ANO10: variants seen among roughly 807,000 people sequenced by gnomAD.
ANO10 encodes the protein anoctamin-10.
ANO10 carries 77 observed loss-of-function variants against 74.7 expected under a neutral mutation model. The ratio of observed to expected loss-of-function variants is 1.03; its 90% CI spans 0.86 to 1.25. The LOEUF (loss-of-function observed/expected upper bound fraction) is 1.25. ANO10 is among the 50% of genes most tolerant of loss of function. The pLI is 0.00. For missense variants in ANO10, 721 were observed against 778.1 expected (o/e 0.93, Z 0.87); for synonymous variants, 279 against 284.9 (o/e 0.98, Z 0.21).
chr3:43,396,335 C>T (rs1349970599), intron 12 of ANO10, among the ~76,000 whole-genome samples: 5 of 151,866 alleles, frequency 3.3e-5, no homozygotes, highest in African/African-American at 4.8e-5. Flanking sequence ...CTTCGCTTCA[C>T]GTTTGATAAG....
intron 12 of ANO10, among the ~76,000 whole-genome samples, chr3:43,368,823 G>A (rs778950665): frequency 6.6e-6 from 1 of 151,978 alleles, no homozygotes; most frequent in Non-Finnish European, 1.5e-5. Context: ...CTGGGACTAC[G>A]GGCATGAGCC....
chr3:43,429,703 T>C (rs2092952572), intron 12 of ANO10, among the ~76,000 whole-genome samples: 1 of 152,180 alleles, frequency 6.6e-6, no homozygotes, highest in African/African-American at 2.4e-5. Flanking sequence ...TGCAAAAATG[T>C]AGGCAGTGTG....
chr3:43,443,595 G>C (rs562749645), intron 11 of ANO10, among the ~76,000 whole-genome samples: 1 of 151,826 alleles, frequency 6.6e-6, no homozygotes, highest in African/African-American at 2.4e-5. Context: ...AGGGAAAAAA[G>C]GGAATATGTT....
intron 11 of ANO10, among the ~76,000 whole-genome samples, chr3:43,486,406 C>T (rs899644243): frequency 1.6e-4 from 25 of 151,590 alleles, no homozygotes; most frequent in African/African-American, 6.0e-4. Context: ...GCAGTATGGC[C>T]ATTTTCACAA....
At chr3:43,505,427 T>C (rs985097466) in intron 11 of ANO10, among the ~76,000 whole-genome samples, 18 of 152,182 alleles carry the variant, frequency 1.2e-4, no homozygotes, top group African/African-American at 4.1e-4. Context: ...CACTAGTAAA[T>C]CGACTAAGAA....
At chr3:43,492,805 G>C (rs149101927) in intron 11 of ANO10, among the ~76,000 whole-genome samples, 29 of 152,284 alleles carry the variant, frequency 1.9e-4, no homozygotes, top group African/African-American at 7.0e-4. Context: ...TGGACAGCCT[G>C]TGGAAAAATA....
chr3:43,485,299 G>A (rs368277921), intron 11 of ANO10: 135 of 574,754 alleles, frequency 2.3e-4, no homozygotes, highest in African/African-American at 2.2e-3. Flanking sequence ...CAGACCCGCT[G>A]CTGACTTCCA....
chr3:43,453,346 A>C (rs896083067), intron 11 of ANO10, among the ~76,000 whole-genome samples: 1 of 151,806 alleles, frequency 6.6e-6, no homozygotes, highest in African/African-American at 2.4e-5. Flanking sequence ...TGCCCGGCTA[A>C]TTTTCCGTAT....
chr3:43,683,937 GATTAAAGACTT>G (rs1320015399), intron 1 of ANO10, among the ~76,000 whole-genome samples: 89 of 152,224 alleles, frequency 5.8e-4, no homozygotes, highest in Non-Finnish European at 1.5e-4. Context: ...ATTCAAGATG[GATTAAAGACTT>G]AAATGTTAGA....
intron 4 of ANO10, among the ~76,000 whole-genome samples, chr3:43,585,995 T>C (rs1003885137): frequency 6.6e-6 from 1 of 152,018 alleles, no homozygotes; most frequent in Non-Finnish European, 1.5e-5. Flanking sequence ...AAATTCCAAA[T>C]CACAAACTAT....
intron 11 of ANO10, among the ~76,000 whole-genome samples, chr3:43,446,308 T>C (rs1279065581): frequency 1.3e-5 from 2 of 152,180 alleles, no homozygotes; most frequent in Non-Finnish European, 2.9e-5. Context: ...ACCTTTGATA[T>C]CTTTGTCAGA....
At chr3:43,679,582 G>T (rs1249353541) in intron 1 of ANO10, among the ~76,000 whole-genome samples, 1 of 152,196 alleles carries the variant, frequency 6.6e-6, no homozygotes, top group African/African-American at 2.4e-5. Flanking sequence ...TGACAGCTTT[G>T]AAGAGAGTAG....
Position 43,452,618 on chromosome 3 carries a change from C to T in ANO10, c.1798-19891G>A, listed in dbSNP as rs145522809. Among the ~76,000 whole-genome samples, 11 of 152,276 alleles carry T rather than the reference C, an allele frequency of 7.2e-5. No homozygotes were observed. The East Asian group carries it at 1.7e-3, about 24-fold the overall frequency. On this transcript the variant is annotated intron_variant, in intron 11 of 12. Coordinates refer to ENST00000292246, the MANE Select transcript of ANO10 (RefSeq NM_018075.5). ...GGGTTGTTTCCATTTGAGGCTATCA[C>T]GAATAATGCTGCTATGAATATTAAT...
chr3:43,524,728 A>G (rs2078114244), intron 11 of ANO10, among the ~76,000 whole-genome samples: 2 of 152,108 alleles, frequency 1.3e-5, no homozygotes. Flanking sequence ...CTTCTGCCAA[A>G]ACACAGATCT....
chr3:43,665,956 T>A (rs977609031), intron 1 of ANO10, among the ~76,000 whole-genome samples: 10 of 152,304 alleles, frequency 6.6e-5, no homozygotes, highest in Admixed American at 4.6e-4. Flanking sequence ...GTTTTTGTTT[T>A]CAATACACTT....
intron 8 of ANO10, among the ~76,000 whole-genome samples, chr3:43,561,660 T>A (rs2080043448): frequency 6.6e-6 from 1 of 152,098 alleles, no homozygotes; most frequent in Non-Finnish European, 1.5e-5. Flanking sequence ...AAGATTATAA[T>A]ACAAATAATG....
chr3:43,662,395 A>G (rs182932379), intron 1 of ANO10, among the ~76,000 whole-genome samples: 119 of 152,338 alleles, frequency 7.8e-4, no homozygotes, highest in African/African-American at 2.8e-3. Flanking sequence ...TCTCTGGGAC[A>G]CATTTAAAGC....
intron 12 of ANO10, among the ~76,000 whole-genome samples, chr3:43,383,175 C>T (rs187087137): frequency 1.8e-4 from 28 of 152,164 alleles, no homozygotes; most frequent in Admixed American, 1.1e-3. Context: ...AATCCATGGC[C>T]GGGTGCGGTG....
At chr3:43,513,758 C>T (rs1310535194) in intron 11 of ANO10, among the ~76,000 whole-genome samples, 1 of 152,164 alleles carries the variant, frequency 6.6e-6, no homozygotes, top group Non-Finnish European at 1.5e-5. Flanking sequence ...GATCCGCCTG[C>T]CTTGGCCTCC....
Sources: gnomAD v4.1 joint callset for allele counts (sites outside exome capture counted in the v4.1 genomes callset) on GRCh38, gnomAD v4.1.1 for gene constraint, MANE v1.5 for transcripts, NCBI Gene and HGNC (gene_info 2026-07-23, HGNC 2026-07-21) for gene names.